Variants in PLCE1 observed in about 807,000 individuals in gnomAD.
The protein encoded by PLCE1 is 1-phosphatidylinositol 4,5-bisphosphate phosphodiesterase epsilon-1.
Under a neutral mutation model 242.8 loss-of-function variants are expected in PLCE1, and 119 were observed. That is an observed-to-expected ratio of 0.49 (90% confidence interval 0.42 to 0.57). The LOEUF (loss-of-function observed/expected upper bound fraction) is 0.57, where lower values mean the gene tolerates loss of function less well. PLCE1 is among the 20% of genes least tolerant of loss of function. PLCE1 has a pLI of 0.00. For missense variants in PLCE1, 2,441 were observed against 2,788.8 expected, an observed-to-expected ratio of 0.88 and a Z score of 2.81; for synonymous variants, 945 against 1,017.4, an observed-to-expected ratio of 0.93 and a Z score of 1.35.
At chr10:94,240,533 C>T (rs2050467815) in intron 7 of PLCE1, among the ~76,000 whole-genome samples, 1 of 152,092 alleles carries the variant, frequency 6.6e-6, no homozygotes, top group African/African-American at 2.4e-5. Flanking sequence ...GTGGCAAGTC[C>T]TTTGGAAAGG....
intron 5 of PLCE1, among the ~76,000 whole-genome samples, chr10:94,228,402 A>G (rs2050020932): frequency 6.6e-6 from 1 of 152,240 alleles, no homozygotes; most frequent in African/African-American, 2.4e-5. Context: ...ATTGAGCCTC[A>G]GTTACTTTGT....
At chr10:94,083,413 A>C (rs1564671550) in intron 2 of PLCE1, among the ~76,000 whole-genome samples, 1 of 152,178 alleles carries the variant, frequency 6.6e-6, no homozygotes, top group Non-Finnish European at 1.5e-5. Flanking sequence ...CATATGCTTA[A>C]CAGTTCCCTA....
chr10:94,150,625 A>G (rs1405390239), intron 3 of PLCE1, among the ~76,000 whole-genome samples: 3 of 152,118 alleles, frequency 2.0e-5, no homozygotes, highest in Non-Finnish European at 2.9e-5. Flanking sequence ...ATCATCTCCT[A>G]TCTTCCATGG....
At chr10:94,076,612 C>T (rs1259292527) in intron 2 of PLCE1, among the ~76,000 whole-genome samples, 1 of 151,974 alleles carries the variant, frequency 6.6e-6, no homozygotes, top group African/African-American at 2.4e-5. Flanking sequence ...TAATTTCTGC[C>T]ATGAAGGAAA....
At chr10:94,100,214 G>C (rs2045474997) in intron 2 of PLCE1, 1 of 152,208 alleles carries the variant, frequency 6.6e-6, no homozygotes. Flanking sequence ...GTGCCAGAAA[G>C]ACCCAGGGCA....
chr10:94,148,032 T>A (rs1322479201), intron 3 of PLCE1, among the ~76,000 whole-genome samples: 4 of 152,174 alleles, frequency 2.6e-5, no homozygotes, highest in Non-Finnish European at 5.9e-5. Flanking sequence ...CAGATAGACC[T>A]AAGTCCCAGA....
intron 4 of PLCE1, among the ~76,000 whole-genome samples, chr10:94,207,104 T>G (rs2049179635): frequency 1.3e-5 from 2 of 152,224 alleles, no homozygotes; most frequent in Non-Finnish European, 2.9e-5. Context: ...AGCTTTCCCA[T>G]CTTCCATTCC....
intron 3 of PLCE1, among the ~76,000 whole-genome samples, chr10:94,154,739 T>A (rs1365037892): frequency 6.6e-6 from 1 of 151,796 alleles, no homozygotes; most frequent in African/African-American, 2.4e-5. Context: ...AATATTAACA[T>A]CAAAACCATA....
At chr10:94,089,407 C>A (rs187311583) in intron 2 of PLCE1, 1 of 1,531,238 alleles carries the variant, frequency 6.5e-7, no homozygotes, top group South Asian at 1.3e-5. Context: ...AGAAATCCCC[C>A]AGTGTTCTTA....
intron 9 of PLCE1, 51 bp downstream of exon 9, chr10:94,252,549 G>C (rs751365993): frequency 6.8e-7 from 1 of 1,465,318 alleles, no homozygotes. Flanking sequence ...CAGGACCGCT[G>C]TATGGTGAAC....
At chr10:94,019,037 A>C (rs2061329450) in intron 1 of PLCE1, among the ~76,000 whole-genome samples, 1 of 152,242 alleles carries the variant, frequency 6.6e-6, no homozygotes, top group African/African-American at 2.4e-5. Flanking sequence ...AATGATAAGA[A>C]TAAAAGGTAC....
chr10:94,006,923 A>G (rs577508982), intron 1 of PLCE1, among the ~76,000 whole-genome samples: 1 of 152,362 alleles, frequency 6.6e-6, no homozygotes, highest in South Asian at 2.1e-4. Context: ...TGATTCTGCT[A>G]GTCCTGATGA....
chr10:94,250,011 A>T (rs1424754396), intron 8 of PLCE1, among the ~76,000 whole-genome samples: 1 of 152,094 alleles, frequency 6.6e-6, no homozygotes, highest in African/African-American at 2.4e-5. Context: ...ATGCAAAGAT[A>T]TGCCAAGAGG....
intron 2 of PLCE1, among the ~76,000 whole-genome samples, chr10:94,084,304 C>T (rs184971348): frequency 9.2e-5 from 14 of 152,264 alleles, no homozygotes; most frequent in Admixed American, 3.3e-4. Flanking sequence ...ATAGCTTTGC[C>T]GTTTCCCCTA....
chr10:94,099,387 A>G (rs2045434201), intron 2 of PLCE1, among the ~76,000 whole-genome samples: 1 of 152,194 alleles, frequency 6.6e-6, no homozygotes, highest in African/African-American at 2.4e-5. Flanking sequence ...TAGGCCTCTC[A>G]GCAACCCTGT....
intron 1 of PLCE1, among the ~76,000 whole-genome samples, chr10:94,023,759 A>G (rs2061413885): frequency 6.6e-6 from 1 of 152,148 alleles, no homozygotes; most frequent in African/African-American, 2.4e-5. Context: ...TCATCTACTT[A>G]TTAGTCAACT....
At chr10:94,303,032 C>T (rs547997952) in intron 24 of PLCE1, among the ~76,000 whole-genome samples, 2 of 152,308 alleles carry the variant, frequency 1.3e-5, no homozygotes, top group East Asian at 3.9e-4. Context: ...CACATCAGGA[C>T]TGGCAGGGGC....
At chr10:94,214,104 C>G (rs2049436137) in intron 4 of PLCE1, among the ~76,000 whole-genome samples, 1 of 151,888 alleles carries the variant, frequency 6.6e-6, no homozygotes, top group African/African-American at 2.4e-5. Flanking sequence ...CTGTGTTTTT[C>G]TGTTTCCCAG....
chr10:94,081,391 A>G (rs1200139285), intron 2 of PLCE1, among the ~76,000 whole-genome samples: 1 of 152,148 alleles, frequency 6.6e-6, no homozygotes, highest in Non-Finnish European at 1.5e-5. Flanking sequence ...TCTGCTTTTT[A>G]TATTTTAGGA....
Sources: allele counts gnomAD v4.1 joint callset (sites outside exome capture counted in the v4.1 genomes callset), GRCh38; gene constraint gnomAD v4.1.1; transcripts MANE v1.5; gene names NCBI Gene and HGNC (gene_info 2026-07-23, HGNC 2026-07-21).